Variants in SLC5A1 observed in about 807,000 individuals in gnomAD.
SLC5A1 encodes the protein sodium/glucose cotransporter 1.
Under a neutral mutation model 73.5 loss-of-function variants are expected in SLC5A1, and 42 were observed. The ratio of observed to expected loss-of-function variants is 0.57; its 90% CI spans 0.45 to 0.74. The LOEUF is 0.74. SLC5A1 is among the 30% of genes least tolerant of loss of function. The probability of loss-of-function intolerance (pLI) is 0.00; values close to 1 mark genes in which losing one functional copy is unlikely to be tolerated. For synonymous variants in SLC5A1, 300 were observed against 317.4 expected (o/e 0.95, Z 0.58); for missense variants, 634 against 855.4 (o/e 0.74, Z 3.23).
At chr22:32,056,437 C>CTTTTTTTTTT (rs35843263) in intron 2 of SLC5A1, among the ~76,000 whole-genome samples, 1 of 121,618 alleles carries the variant, frequency 8.2e-6, no homozygotes, top group Non-Finnish European at 1.7e-5. Flanking sequence ...ACCTTCCTGT[C>CTTTTTTTTTT]TTTTTTTTTT....
chr22:32,109,850 T>A (rs568202128), intron 14 of SLC5A1, 140 bp from the exon 15 acceptor site: 1 of 678,442 alleles, frequency 1.5e-6, no homozygotes, highest in African/African-American at 1.8e-5. Flanking sequence ...CAAGAAAATA[T>A]GGGGGAAATT....
chr22:32,074,608 A>G (rs760420803), intron 5 of SLC5A1, among the ~76,000 whole-genome samples: 2 of 152,110 alleles, frequency 1.3e-5, no homozygotes, highest in Non-Finnish European at 2.9e-5. Context: ...CTGGTCTCTA[A>G]CCAAATAAGA....
chr22:32,063,801 G>GCAGAGTCA (rs2149486943), intron 2 of SLC5A1, among the ~76,000 whole-genome samples: 1 of 152,288 alleles, frequency 6.6e-6, no homozygotes, highest in South Asian at 2.1e-4. Context: ...TATTGTGAAG[G>GCAGAGTCA]CAGAGTCAGA....
chr22:32,046,714 G>C (rs2093937662), intron 1 of SLC5A1, among the ~76,000 whole-genome samples: 1 of 152,168 alleles, frequency 6.6e-6, no homozygotes, highest in African/African-American at 2.4e-5. Flanking sequence ...CTGGACAGAG[G>C]CCTAAAGTTC....
At chr22:32,070,590 A>C (rs1228476139) in intron 5 of SLC5A1, among the ~76,000 whole-genome samples, 1 of 151,826 alleles carries the variant, frequency 6.6e-6, no homozygotes, top group African/African-American at 2.4e-5. Context: ...TGCCTCAGCC[A>C]CCTAAAGTGT....
intron 5 of SLC5A1, among the ~76,000 whole-genome samples, chr22:32,070,927 A>AAATAAGAAAT: frequency 6.6e-6 from 1 of 152,228 alleles, no homozygotes; most frequent in Non-Finnish European, 1.5e-5. Context: ...GGAATAAGAG[A>AAATAAGAAAT]AAGAAAATAG....
chr22:32,109,408 T>A (rs2094052193), intron 14 of SLC5A1, among the ~76,000 whole-genome samples: 2 of 152,176 alleles, frequency 1.3e-5, no homozygotes, highest in Non-Finnish European at 2.9e-5. Context: ...GACAGTTTGA[T>A]TAAGCAGTGC....
At chr22:32,056,475 GC>G (rs2093952124) in intron 2 of SLC5A1, among the ~76,000 whole-genome samples, 1 of 120,452 alleles carries the variant, frequency 8.3e-6, no homozygotes, top group Non-Finnish European at 1.6e-5. Flanking sequence ...TATGTCCCAT[GC>G]AATATTCGGG....
rs1251644751 is a variant in SLC5A1 at position 32,091,324 on chromosome 22, CA to C, written c.1130-287del. Among the ~76,000 whole-genome samples the C allele has an allele frequency of 1.3e-4, 20 of 151,722 alleles. No individual in the cohort carries two copies. In the South Asian group the frequency reaches 3.1e-3, roughly 24 times the overall value. ...ACACACACACACACACACACACACA[CA>C]CACACACACACACACACCCCACCAC... is the stretch of plus-strand genomic sequence containing the variant. On this transcript the variant is annotated intron_variant, in intron 10 of 14. Coordinates refer to ENST00000266088, the MANE Select transcript of SLC5A1 (RefSeq NM_000343.4).
chr22:32,049,158 A>C (rs544482349), intron 1 of SLC5A1, among the ~76,000 whole-genome samples: 2 of 128,760 alleles, frequency 1.6e-5, no homozygotes, highest in Non-Finnish European at 3.6e-5. Flanking sequence ...TCTATATTAT[A>C]TATAATCTAT....
chr22:32,064,670 C>T (rs371401878), intron 2 of SLC5A1, among the ~76,000 whole-genome samples: 1 of 152,116 alleles, frequency 6.6e-6, no homozygotes, highest in African/African-American at 2.4e-5. Flanking sequence ...CCACATTTCC[C>T]ACATCTAACC....
At chr22:32,067,883 C>T (rs1333294715) in intron 3 of SLC5A1, 84 bp from the exon 4 acceptor site, 7 of 1,413,334 alleles carry the variant, frequency 5.0e-6, no homozygotes, top group Admixed American at 1.7e-5. Context: ...GGTAATTTTT[C>T]TGCAGCAGCT....
At chr22:32,047,789 G>A (rs1416521821) in intron 1 of SLC5A1, among the ~76,000 whole-genome samples, 1 of 152,190 alleles carries the variant, frequency 6.6e-6, no homozygotes, top group East Asian at 1.9e-4. Flanking sequence ...TGCCTGAGAT[G>A]TCACCATCAG....
At chr22:32,085,241 C>A (rs987632351) in intron 9 of SLC5A1, among the ~76,000 whole-genome samples, 3 of 152,154 alleles carry the variant, frequency 2.0e-5, no homozygotes, top group Non-Finnish European at 4.4e-5. Flanking sequence ...CCTGCTTCAG[C>A]CTCCTGAGCA....
intron 2 of SLC5A1, among the ~76,000 whole-genome samples, chr22:32,059,529 T>C (rs889228936): frequency 2.6e-5 from 4 of 152,080 alleles, no homozygotes; most frequent in African/African-American, 9.7e-5. Flanking sequence ...ATCTTGGAAA[T>C]TGAGCCAGTG....
rs201165515 is a variant in SLC5A1, at chr22:32,084,484, T to C, written c.710T>C (p.Met237Thr). ...TATGACGCCTTCATGGAAAAGTACA[T>C]GAAAGCCATTCCAACCATAGTGTCT... Reference protein sequence around the residue: ...GGYDAFMEKYMKAIPTIVSDG... With the variant: ...GGYDAFMEKYTKAIPTIVSDG... The change falls in exon 8 of 15, where the codon ATG becomes ACG. Residue 237 changes from methionine (M) to threonine (T), a missense_variant. This residue lies in a region of SLC5A1 where 422 missense variants were observed against 626.1 expected (regional missense o/e 0.67). Coordinates refer to ENST00000266088, the MANE Select transcript of SLC5A1 (RefSeq NM_000343.4). 3 of 1,614,152 alleles carry C rather than the reference T, an allele frequency of 1.9e-6. No individual in the cohort carries two copies. The highest frequency in any genetic ancestry group is 1.7e-5 in the Admixed American group (1 of 60,016).
At chr22:32,083,411 T>A (rs188620009) in intron 7 of SLC5A1, among the ~76,000 whole-genome samples, 5 of 152,282 alleles carry the variant, frequency 3.3e-5, no homozygotes, top group Admixed American at 2.6e-4. Context: ...TCTGGGCTAG[T>A]GGTTGTGCTG....
intron 2 of SLC5A1, among the ~76,000 whole-genome samples, chr22:32,061,195 G>A (rs983479356): frequency 6.6e-6 from 1 of 152,104 alleles, no homozygotes; most frequent in Non-Finnish European, 1.5e-5. Context: ...AGGCTGAGGC[G>A]GGCAGATCAC....
chr22:32,078,600 C>T (rs1484764645), intron 5 of SLC5A1, among the ~76,000 whole-genome samples: 3 of 152,246 alleles, frequency 2.0e-5, no homozygotes, highest in East Asian at 1.9e-4. Context: ...CCCACACATA[C>T]ATTATTTTAT....
Sources: allele counts gnomAD v4.1 joint callset (sites outside exome capture counted in the v4.1 genomes callset), GRCh38; gene constraint gnomAD v4.1.1; regional missense constraint gnomAD v4.1.1; transcripts MANE v1.5; gene names NCBI Gene and HGNC (gene_info 2026-07-23, HGNC 2026-07-21).